Variants in KDM4C observed in about 807,000 individuals in gnomAD.
KDM4C encodes the protein lysine demethylase 4C.
Under a neutral mutation model 129.3 loss-of-function variants are expected in KDM4C, and 81 were observed. That is an observed-to-expected ratio of 0.63 (90% confidence interval 0.52 to 0.75). The LOEUF is 0.75. KDM4C is among the 30% of genes least tolerant of loss of function. KDM4C has a pLI of 0.00. For missense variants in KDM4C, 1,457 were observed against 1,304.0 expected (o/e 1.12, Z -1.81); for synonymous variants, 573 against 456.1 (o/e 1.26, Z -3.26).
intron 8 of KDM4C, among the ~76,000 whole-genome samples, chr9:6,909,997 C>T (rs1303444147): frequency 6.6e-6 from 1 of 151,966 alleles, no homozygotes; most frequent in South Asian, 2.1e-4. Flanking sequence ...AGGTGCATGT[C>T]CAAGTAATCC....
intron 15 of KDM4C, among the ~76,000 whole-genome samples, chr9:7,020,421 T>C (rs903064514): frequency 6.6e-6 from 1 of 152,240 alleles, no homozygotes; most frequent in African/African-American, 2.4e-5. Context: ...AGCGTTTGAC[T>C]TATGGCTTAT....
At chr9:6,868,775 A>T (rs368426276) in intron 5 of KDM4C, among the ~76,000 whole-genome samples, 1 of 151,936 alleles carries the variant, frequency 6.6e-6, no homozygotes. Context: ...GTACTAGAAA[A>T]GTCGCTTTAC....
intron 8 of KDM4C, among the ~76,000 whole-genome samples, chr9:6,970,875 A>G (rs1470921295): frequency 7.4e-6 from 1 of 135,602 alleles, no homozygotes; most frequent in East Asian, 2.4e-4. Flanking sequence ...AGGATGAACC[A>G]AAACCGAAAT....
chr9:6,926,341 TAAAA>T (rs33974740), intron 8 of KDM4C, among the ~76,000 whole-genome samples: 2 of 107,392 alleles, frequency 1.9e-5, no homozygotes, highest in Admixed American at 8.9e-5. Flanking sequence ...AGATAATTTG[TAAAA>T]AAAAAAAAAA....
chr9:6,739,157 C>T (rs1188887458), intron 1 of KDM4C, among the ~76,000 whole-genome samples: 2 of 152,156 alleles, frequency 1.3e-5, no homozygotes, highest in African/African-American at 4.8e-5. Flanking sequence ...ACTGCAACCT[C>T]TGCCTCCTGG....
At chr9:6,990,605 A>T in intron 12 of KDM4C, 81 bp downstream of exon 12, 2 of 888,606 alleles carry the variant, frequency 2.3e-6, no homozygotes, top group Non-Finnish European at 3.5e-6. Flanking sequence ...ATTGCTGAAT[A>T]GAAAAAAAAT....
At chr9:7,102,939 C>G (rs961683629) in intron 17 of KDM4C, among the ~76,000 whole-genome samples, 21 of 152,146 alleles carry the variant, frequency 1.4e-4, no homozygotes, top group African/African-American at 5.1e-4. Context: ...AACAAATGTA[C>G]TGATAATGTT....
At chr9:6,765,706 A>G (rs1191558526) in intron 1 of KDM4C, among the ~76,000 whole-genome samples, 3 of 152,144 alleles carry the variant, frequency 2.0e-5, no homozygotes, top group East Asian at 1.9e-4. Context: ...CATCTTACCC[A>G]TCGTGACCCA....
chr9:6,729,836 A>T (rs1250180121), intron 1 of KDM4C, among the ~76,000 whole-genome samples: 1 of 133,722 alleles, frequency 7.5e-6, no homozygotes, highest in Non-Finnish European at 1.5e-5. Flanking sequence ...TAGGCCGGGC[A>T]TGGTGGCTTA....
chr9:7,143,358 G>T (rs1298250203), intron 19 of KDM4C, among the ~76,000 whole-genome samples: 1 of 152,206 alleles, frequency 6.6e-6, no homozygotes, highest in African/African-American at 2.4e-5. Context: ...AAGCAAATCA[G>T]ATGTTAGCAA....
intron 1 of KDM4C, among the ~76,000 whole-genome samples, chr9:6,788,470 T>C (rs972132585): frequency 1.3e-5 from 2 of 152,224 alleles, no homozygotes; most frequent in Non-Finnish European, 2.9e-5. Flanking sequence ...ACTGCCCAGA[T>C]TTTTCTGTTG....
chr9:7,107,725 C>G (rs957537291), intron 18 of KDM4C, among the ~76,000 whole-genome samples: 1 of 152,148 alleles, frequency 6.6e-6, no homozygotes, highest in Non-Finnish European at 1.5e-5. Flanking sequence ...AACATGGAGA[C>G]AGATACCTAT....
intron 15 of KDM4C, among the ~76,000 whole-genome samples, chr9:7,016,725 T>A (rs916750270): frequency 2.6e-5 from 4 of 152,070 alleles, no homozygotes; most frequent in Admixed American, 6.6e-5. Flanking sequence ...TGTGCCCGAC[T>A]ATTAGGTAAA....
chr9:6,730,999 C>T (rs1817313939), intron 1 of KDM4C, among the ~76,000 whole-genome samples: 1 of 152,158 alleles, frequency 6.6e-6, no homozygotes, highest in Admixed American at 6.5e-5. Flanking sequence ...GTACAGAGTC[C>T]TTCTCAGGCC....
At chr9:7,142,591 C>T (rs527740780) in intron 19 of KDM4C, among the ~76,000 whole-genome samples, 2 of 152,048 alleles carry the variant, frequency 1.3e-5, no homozygotes, top group African/African-American at 2.4e-5. Context: ...ATTCATTTAC[C>T]TTTTTTAAAG....
chr9:6,918,374 G>C (rs1820721054), intron 8 of KDM4C, among the ~76,000 whole-genome samples: 1 of 152,162 alleles, frequency 6.6e-6, no homozygotes, highest in South Asian at 2.1e-4. Context: ...TGGCTGCATA[G>C]TATTCCATGA....
intron 8 of KDM4C, among the ~76,000 whole-genome samples, chr9:6,936,546 A>G (rs1260512737): frequency 6.6e-6 from 1 of 152,178 alleles, no homozygotes; most frequent in East Asian, 1.9e-4. Context: ...ATAAAGTGAA[A>G]ATTTCCCATG....
chr9:6,785,301 C>G (rs771599344), intron 1 of KDM4C, among the ~76,000 whole-genome samples: 4 of 151,254 alleles, frequency 2.6e-5, no homozygotes, highest in Non-Finnish European at 5.9e-5. Flanking sequence ...TCCATCTTCA[C>G]ATGGCACTCT....
At chr9:6,724,646 T>G (rs1293769765) in intron 1 of KDM4C, among the ~76,000 whole-genome samples, 1 of 152,124 alleles carries the variant, frequency 6.6e-6, no homozygotes, top group Admixed American at 6.6e-5. Flanking sequence ...TTCTCCTGCC[T>G]CAGCCTCCCG....
Sources: gnomAD v4.1 joint callset for allele counts (sites outside exome capture counted in the v4.1 genomes callset) on GRCh38, gnomAD v4.1.1 for gene constraint, MANE v1.5 for transcripts, NCBI Gene and HGNC (gene_info 2026-07-23, HGNC 2026-07-21) for gene names.